The following PRKCE variants were observed in gnomAD, a reference collection of about 807,000 sequenced individuals.
The protein encoded by PRKCE is protein kinase C epsilon.
A neutral mutation model predicts 85.4 loss-of-function variants in PRKCE; 16 were observed. The observed-to-expected ratio is 0.19, with a 90% CI of 0.13 to 0.28. PRKCE has a LOEUF of 0.28. PRKCE is among the 10% of genes least tolerant of loss of function. The pLI is 1.00. For synonymous variants in PRKCE, 388 were observed against 371.5 expected (o/e 1.04, Z -0.51); for missense variants, 573 against 975.2 (o/e 0.59, Z 5.49).
chr2:45,967,417 C>T (rs1301267072), intron 2 of PRKCE, among the ~76,000 whole-genome samples: 2 of 152,156 alleles, frequency 1.3e-5, no homozygotes, highest in Non-Finnish European at 1.5e-5. Context: ...TCCTGGAGGC[C>T]TACCTACCAC....
intron 2 of PRKCE, among the ~76,000 whole-genome samples, chr2:45,928,624 T>C (rs532641721): frequency 1.3e-5 from 2 of 152,244 alleles, no homozygotes; most frequent in East Asian, 3.9e-4. Flanking sequence ...TCCACAACAA[T>C]GTGTATAGAA....
intron 1 of PRKCE, among the ~76,000 whole-genome samples, chr2:45,708,371 C>G (rs1184354062): frequency 1.3e-5 from 2 of 152,184 alleles, no homozygotes; most frequent in African/African-American, 2.4e-5. Context: ...CAAATCTCAT[C>G]TTGAATTCCC....
At chr2:45,727,463 G>T (rs1681176294) in intron 1 of PRKCE, among the ~76,000 whole-genome samples, 1 of 152,150 alleles carries the variant, frequency 6.6e-6, no homozygotes, top group Non-Finnish European at 1.5e-5. Context: ...AAAGGATAAG[G>T]ATAAGAGGAT....
rs538731988 is a variant in PRKCE at position 45,850,000 on chromosome 2, G to A, written c.412+6937G>A. 5.9e-5 allele frequency among the ~76,000 whole-genome samples: 9 copies of A among 152,294 alleles called. No individual in the cohort carries two copies. The South Asian group carries it at 1.7e-3, about 28-fold the overall frequency. ...GTTTATAATGTCACAAAGAGACATC[G>A]CTAAGATGCTTGATGAGACATAAGC... On this transcript the variant is annotated intron_variant, in intron 2 of 14. Coordinates refer to ENST00000306156, the MANE Select transcript of PRKCE (RefSeq NM_005400.3).
chr2:45,868,373 A>G (rs1269579887), intron 2 of PRKCE, among the ~76,000 whole-genome samples: 1 of 149,252 alleles, frequency 6.7e-6, no homozygotes, highest in Non-Finnish European at 1.5e-5. Flanking sequence ...ATCTTAGGTA[A>G]GGAAGGAAGG....
chr2:45,728,110 T>C (rs1681243289), intron 1 of PRKCE, among the ~76,000 whole-genome samples: 1 of 152,168 alleles, frequency 6.6e-6, no homozygotes, highest in Non-Finnish European at 1.5e-5. Context: ...TCCTTCTGTG[T>C]AAGTGTATTT....
chr2:45,882,827 G>A (rs1316767916), intron 2 of PRKCE, among the ~76,000 whole-genome samples: 2 of 152,240 alleles, frequency 1.3e-5, no homozygotes, highest in Non-Finnish European at 2.9e-5. Flanking sequence ...CGAGTCTGCC[G>A]ATTCCAGGGA....
At chr2:45,815,770 A>G (rs1275046865) in intron 1 of PRKCE, among the ~76,000 whole-genome samples, 2 of 152,200 alleles carry the variant, frequency 1.3e-5, no homozygotes, top group Non-Finnish European at 2.9e-5. Context: ...TCTAGAGTGG[A>G]AAATCACTAC....
chr2:45,978,825 A>C, intron 3 of PRKCE, 151 bp from the exon 4 acceptor site: 1 of 648,270 alleles, frequency 1.5e-6, no homozygotes, highest in Admixed American at 2.7e-5. Context: ...CATTTAAGGC[A>C]CCTTGCAAGT....
At chr2:45,823,205 C>T (rs1046275434) in intron 1 of PRKCE, among the ~76,000 whole-genome samples, 1 of 152,208 alleles carries the variant, frequency 6.6e-6, no homozygotes, top group Non-Finnish European at 1.5e-5. Context: ...GATTCCCAGG[C>T]CTGGGATTCT....
At chr2:45,779,985 G>C (rs1346768049) in intron 1 of PRKCE, among the ~76,000 whole-genome samples, 1 of 152,074 alleles carries the variant, frequency 6.6e-6, no homozygotes, top group East Asian at 1.9e-4. Context: ...TCACTCCATA[G>C]GTTCTCCTGA....
At chr2:46,169,966 C>T (rs1172029218) in intron 14 of PRKCE, among the ~76,000 whole-genome samples, 1 of 152,208 alleles carries the variant, frequency 6.6e-6, no homozygotes, top group African/African-American at 2.4e-5. Flanking sequence ...AATCTCTCTG[C>T]TCCTTTCCTG....
At chr2:45,666,575 A>G (rs1224408789) in intron 1 of PRKCE, among the ~76,000 whole-genome samples, 2 of 151,734 alleles carry the variant, frequency 1.3e-5, no homozygotes, top group Non-Finnish European at 2.9e-5. Flanking sequence ...CATCCCTGGG[A>G]TACTCTAACC....
At chr2:46,031,559 A>T (rs1019093997) in intron 10 of PRKCE, among the ~76,000 whole-genome samples, 1 of 152,014 alleles carries the variant, frequency 6.6e-6, no homozygotes, top group Non-Finnish European at 1.5e-5. Flanking sequence ...CCAAAGGCAG[A>T]CACACAGTCT....
chr2:45,736,046 C>T (rs184163702), intron 1 of PRKCE, among the ~76,000 whole-genome samples: 6 of 152,162 alleles, frequency 3.9e-5, no homozygotes, highest in African/African-American at 4.8e-5. Context: ...CTGCAACATC[C>T]GCCTCCTGGG....
At chr2:45,876,339 A>G (rs970705025) in intron 2 of PRKCE, among the ~76,000 whole-genome samples, 1 of 152,004 alleles carries the variant, frequency 6.6e-6, no homozygotes, top group Non-Finnish European at 1.5e-5. Flanking sequence ...TTCCAAGTCA[A>G]CTCCAGCTTA....
chr2:45,931,485 C>T (rs1699038285), intron 2 of PRKCE, among the ~76,000 whole-genome samples: 1 of 152,226 alleles, frequency 6.6e-6, no homozygotes, highest in South Asian at 2.1e-4. Flanking sequence ...ATTTTCCCCA[C>T]TCCCTAAACA....
chr2:45,765,389 G>A (rs940320686), intron 1 of PRKCE, among the ~76,000 whole-genome samples: 3 of 152,360 alleles, frequency 2.0e-5, no homozygotes, highest in African/African-American at 7.2e-5. Context: ...TGAACTGTAG[G>A]TAGAGTGCTG....
rs550638528 is a variant in PRKCE, at chr2:45,657,808, C to T, written c.348+5360C>T. On this transcript the variant is annotated intron_variant, in intron 1 of 14. Coordinates refer to ENST00000306156, the MANE Select transcript of PRKCE (RefSeq NM_005400.3). The stretch of plus-strand genomic sequence containing the variant: ...CTGGGAGATAGGCCTGTACATCATT[C>T]GGAGAGGTTAGGCTCTGAGGCCGTT... Among the ~76,000 whole-genome samples the T allele has an allele frequency of 1.1e-4, 17 of 152,262 alleles. No individual in the cohort carries two copies. In the South Asian group the frequency reaches 2.3e-3, roughly 20 times the overall value.
Sources: gnomAD v4.1 joint callset for allele counts (sites outside exome capture counted in the v4.1 genomes callset) on GRCh38, gnomAD v4.1.1 for gene constraint, MANE v1.5 for transcripts, NCBI Gene and HGNC (gene_info 2026-07-23, HGNC 2026-07-21) for gene names.